CREB5: variants seen among roughly 807,000 people sequenced by gnomAD.
CREB5 encodes the protein cAMP responsive element binding protein 5.
A neutral mutation model predicts 57.1 loss-of-function variants in CREB5; 19 were observed. The ratio of observed to expected loss-of-function variants is 0.33; its 90% CI spans 0.23 to 0.49. CREB5 has a LOEUF of 0.49. Among genes scored for constraint, CREB5 ranks in the 20% least tolerant of loss-of-function variants. The pLI, the probability that CREB5 is intolerant of heterozygous loss-of-function variation, is 0.99. For synonymous variants in CREB5, 238 were observed against 238.3 expected, an observed-to-expected ratio of 1.00 and a Z score of 0.01; for missense variants, 579 against 671.6, an observed-to-expected ratio of 0.86 and a Z score of 1.52.
At chr7:28,589,427 G>A (rs1309248125) in intron 5 of CREB5, among the ~76,000 whole-genome samples, 1 of 152,110 alleles carries the variant, frequency 6.6e-6, no homozygotes, top group Non-Finnish European at 1.5e-5. Flanking sequence ...GGTGGCAGGT[G>A]CCTGTAGTCC....
intron 1 of CREB5, among the ~76,000 whole-genome samples, chr7:28,393,509 G>C (rs1351983769): frequency 1.3e-5 from 2 of 152,114 alleles, no homozygotes; most frequent in Non-Finnish European, 2.9e-5. Context: ...TTCTCACCTA[G>C]TCTTATTGTG....
At chr7:28,651,621 T>G (rs967676263) in intron 5 of CREB5, among the ~76,000 whole-genome samples, 5 of 152,124 alleles carry the variant, frequency 3.3e-5, no homozygotes, top group African/African-American at 1.2e-4. Flanking sequence ...CTATTTCTGT[T>G]TCAACTTTTC....
intron 5 of CREB5, among the ~76,000 whole-genome samples, chr7:28,683,658 T>C (rs1435057761): frequency 6.6e-6 from 1 of 152,168 alleles, no homozygotes; most frequent in Non-Finnish European, 1.5e-5. Context: ...GCAGAAGCAA[T>C]GATGCTGGCG....
chr7:28,499,301 T>C (rs1336586679), intron 3 of CREB5, among the ~76,000 whole-genome samples: 1 of 152,052 alleles, frequency 6.6e-6, no homozygotes, highest in Non-Finnish European at 1.5e-5. Context: ...AGCACATGAC[T>C]TTTTCTCCAT....
intron 7 of CREB5, among the ~76,000 whole-genome samples, chr7:28,747,806 G>T (rs1341720699): frequency 1.3e-5 from 2 of 152,198 alleles, no homozygotes; most frequent in African/African-American, 4.8e-5. Flanking sequence ...GCATGTAATG[G>T]ATGCTGAAAA....
At chr7:28,622,613 G>T (rs1435150593) in intron 5 of CREB5, among the ~76,000 whole-genome samples, 4 of 152,218 alleles carry the variant, frequency 2.6e-5, no homozygotes, top group African/African-American at 7.2e-5. Flanking sequence ...ACCTCTTGAG[G>T]TACAGATTAT....
At chr7:28,436,211 C>T (rs1373975788) in intron 1 of CREB5, among the ~76,000 whole-genome samples, 1 of 152,098 alleles carries the variant, frequency 6.6e-6, no homozygotes, top group African/African-American at 2.4e-5. Flanking sequence ...AAAATCAATG[C>T]CTCTTGCCCT....
chr7:28,732,597 GC>G (rs1369351570), intron 7 of CREB5, among the ~76,000 whole-genome samples: 2 of 152,116 alleles, frequency 1.3e-5, no homozygotes, highest in East Asian at 3.9e-4. Flanking sequence ...GGGAAGTTCT[GC>G]TTTGCAGAGA....
At chr7:28,704,002 A>G (rs917210283) in intron 5 of CREB5, among the ~76,000 whole-genome samples, 3 of 152,288 alleles carry the variant, frequency 2.0e-5, no homozygotes, top group East Asian at 1.9e-4. Flanking sequence ...ATCATCTACT[A>G]TGAAGTAGTG....
At chr7:28,602,693 A>G (rs1796968020) in intron 5 of CREB5, among the ~76,000 whole-genome samples, 2 of 152,192 alleles carry the variant, frequency 1.3e-5, no homozygotes, top group Non-Finnish European at 2.9e-5. Context: ...ATTAGTGGTT[A>G]TCAGGAATTA....
At chr7:28,556,029 AGTGCCTCAATAAAAATACGGAT>A (rs1381265705) in intron 4 of CREB5, among the ~76,000 whole-genome samples, 2 of 152,152 alleles carry the variant, frequency 1.3e-5, no homozygotes, top group Non-Finnish European at 2.9e-5. Flanking sequence ...TGCCAGGGAG[AGTGCCTCAATAAAAATACGGAT>A]GTCACTGACA....
chr7:28,470,508 C>T (rs1790761507), intron 1 of CREB5, among the ~76,000 whole-genome samples: 1 of 152,322 alleles, frequency 6.6e-6, no homozygotes, highest in East Asian at 1.9e-4. Flanking sequence ...CAAATCTTGG[C>T]TAATTGTGAA....
chr7:28,370,840 A>G (rs935220694), intron 1 of CREB5, among the ~76,000 whole-genome samples: 2 of 152,146 alleles, frequency 1.3e-5, no homozygotes, highest in Non-Finnish European at 2.9e-5. Context: ...GGCACTTCAA[A>G]CATTGCCAAC....
At chr7:28,577,696 G>A in intron 5 of CREB5, among the ~76,000 whole-genome samples, 1 of 152,106 alleles carries the variant, frequency 6.6e-6, no homozygotes, top group Non-Finnish European at 1.5e-5. Context: ...ACTTTCCCAG[G>A]TTTAAGTTTT....
intron 5 of CREB5, among the ~76,000 whole-genome samples, chr7:28,583,699 A>T (rs1380682627): frequency 6.6e-6 from 1 of 151,944 alleles, no homozygotes; most frequent in Admixed American, 6.6e-5. Context: ...TATTTTTGAG[A>T]TGGAGTTTCG....
At chr7:28,600,517 A>G (rs1796875080) in intron 5 of CREB5, among the ~76,000 whole-genome samples, 1 of 152,108 alleles carries the variant, frequency 6.6e-6, no homozygotes. Context: ...AAAACTGAGG[A>G]TGGTAGGGAG....
intron 5 of CREB5, among the ~76,000 whole-genome samples, chr7:28,689,420 A>C (rs948723691): frequency 6.6e-6 from 1 of 152,146 alleles, no homozygotes; most frequent in African/African-American, 2.4e-5. Context: ...GTAAGCCGAG[A>C]TCGAGCCACT....
intron 3 of CREB5, among the ~76,000 whole-genome samples, chr7:28,497,347 C>G (rs953122311): frequency 6.6e-6 from 1 of 152,196 alleles, no homozygotes; most frequent in Non-Finnish European, 1.5e-5. Flanking sequence ...TTGTTCTTAC[C>G]GGATCCTTAT....
intron 1 of CREB5, among the ~76,000 whole-genome samples, chr7:28,399,781 C>A (rs866211896): frequency 1.9e-4 from 29 of 152,132 alleles, no homozygotes; most frequent in African/African-American, 6.5e-4. Context: ...TACAGCTGGG[C>A]GTGGTGGCTC....
Sources: gnomAD v4.1 joint callset for allele counts (sites outside exome capture counted in the v4.1 genomes callset) on GRCh38, gnomAD v4.1.1 for gene constraint, MANE v1.5 for transcripts, NCBI Gene and HGNC (gene_info 2026-07-23, HGNC 2026-07-21) for gene names.